The following DNAJC11 variants were observed in gnomAD, a reference collection of about 807,000 sequenced individuals.
The protein encoded by DNAJC11 is dnaJ homolog subfamily C member 11.
Under a neutral mutation model 78.6 loss-of-function variants are expected in DNAJC11, and 15 were observed. The observed-to-expected ratio is 0.19, with a 90% CI of 0.13 to 0.29. DNAJC11 has a LOEUF of 0.29. Among genes scored for constraint, DNAJC11 ranks in the 10% least tolerant of loss-of-function variants. The pLI is 1.00. For synonymous variants in DNAJC11, 292 were observed against 272.1 expected (o/e 1.07, Z -0.72); for missense variants, 547 against 709.6 (o/e 0.77, Z 2.60).
At chr1:6,672,552 C>G (rs920596205) in intron 3 of DNAJC11, among the ~76,000 whole-genome samples, 1 of 152,156 alleles carries the variant, frequency 6.6e-6, no homozygotes, top group African/African-American at 2.4e-5. Context: ...ACAAATTTTG[C>G]AAATAGTTGG....
At chr1:6,668,521 C>T (rs937568994) in intron 3 of DNAJC11, among the ~76,000 whole-genome samples, 4 of 152,108 alleles carry the variant, frequency 2.6e-5, no homozygotes, top group African/African-American at 9.7e-5. Flanking sequence ...GCTGGCTCTC[C>T]CTAGTGGTCT....
chr1:6,655,163 G>T (rs1405047838), intron 4 of DNAJC11, among the ~76,000 whole-genome samples: 2 of 152,152 alleles, frequency 1.3e-5, no homozygotes, highest in Non-Finnish European at 2.9e-5. Context: ...CTTGATTTCT[G>T]TTGAGGGTGA....
At position 6,672,556 on chromosome 1, in the gene DNAJC11, T is replaced by C. The variant is rs114932689; in HGVS notation, c.277-4746A>G. Among the ~76,000 whole-genome samples the C allele has an allele frequency of 4.2e-3, 635 of 152,306 alleles. 5 individuals are homozygous for C. The highest frequency in any genetic ancestry group is 0.014 in the African/African-American group (600 of 41,574). ...TCATATTTTACACAAATTTTGCAAATAGTTGGTACATAATCAGAGCTAACA... is the reference window on the plus strand; with the variant it reads ...TCATATTTTACACAAATTTTGCAAACAGTTGGTACATAATCAGAGCTAACA... On this transcript the variant is annotated intron_variant, in intron 3 of 15. Transcript: ENST00000377577.
rs544423050 is a variant in DNAJC11, at chr1:6,673,415, A to G, written c.276+4979T>C. Among the ~76,000 whole-genome samples the G allele has an allele frequency of 9.2e-5, 14 of 152,230 alleles. No homozygotes were observed. In the South Asian group the frequency reaches 2.7e-3, roughly 29 times the overall value. Reference sequence around the variant, plus strand: ...TCAAACCTCCTGGGAGACCTCAGGCAAGTCACCTTTCTAAGCTTCAGTTTC... The same window carrying G: ...TCAAACCTCCTGGGAGACCTCAGGCGAGTCACCTTTCTAAGCTTCAGTTTC... On this transcript the variant is annotated intron_variant, in intron 3 of 15. Transcript: ENST00000377577.
At chr1:6,677,055 T>A (rs1296372990) in intron 3 of DNAJC11, among the ~76,000 whole-genome samples, 1 of 148,146 alleles carries the variant, frequency 6.8e-6, no homozygotes, top group African/African-American at 2.5e-5. Context: ...TGCCTTGTAA[T>A]CCCAGCTACT....
chr1:6,666,918 CTTTT>C (rs1214780003), intron 4 of DNAJC11, among the ~76,000 whole-genome samples: 1 of 152,134 alleles, frequency 6.6e-6, no homozygotes, highest in Non-Finnish European at 1.5e-5. Context: ...ATTGAGCCCT[CTTTT>C]TAAACACAGC....
At chr1:6,669,665 G>A (rs888418145) in intron 3 of DNAJC11, among the ~76,000 whole-genome samples, 1 of 152,152 alleles carries the variant, frequency 6.6e-6, no homozygotes, top group Non-Finnish European at 1.5e-5. Context: ...AAAGGCCACC[G>A]TGAAAGAGGC....
chr1:6,680,411 TACATAAG>T lies in DNAJC11; in HGVS notation c.202+490_202+496del, dbSNP rs1039156780. On this transcript the variant is annotated intron_variant, in intron 2 of 15. Coordinates refer to ENST00000377577, the MANE Select transcript of DNAJC11 (RefSeq NM_018198.4). This position sits in a 1 kb window ranked among gnomAD's most constrained non-coding sequence, Gnocchi z 4.0. ...ATATCACAGAATGTTCTTTCTGACA[TACATAAG>T]ACATAAGTATAAAAATGTGAATCAC... Among the ~76,000 whole-genome samples, 7 of 152,254 alleles carry T rather than the reference TACATAAG, an allele frequency of 4.6e-5. No individual in the cohort carries two copies. The highest frequency in any genetic ancestry group is 7.2e-5 in the African/African-American group (3 of 41,470).
chr1:6,648,737 T>C (rs1473844705), intron 7 of DNAJC11, among the ~76,000 whole-genome samples: 1 of 152,204 alleles, frequency 6.6e-6, no homozygotes, highest in Non-Finnish European at 1.5e-5. Flanking sequence ...ATTACAAGCA[T>C]GAGCCACCAC....
At position 6,661,623 on chromosome 1, in the gene DNAJC11, C is replaced by T. The variant is rs78826041; in HGVS notation, c.378+6086G>A. On this transcript the variant is annotated intron_variant, in intron 4 of 15. Transcript: ENST00000377577. ...TTTCTCCTTACAAGACAACTTCTCA[C>T]GTTCTCCAATTGCAACAGCAGCCCA... 5.1e-3 allele frequency among the ~76,000 whole-genome samples: 776 copies of T among 152,266 alleles called. 8 individuals carry two copies. The highest frequency in any genetic ancestry group is 0.017 in the African/African-American group (721 of 41,544).
At chr1:6,667,234 C>T (rs979781756) in intron 4 of DNAJC11, among the ~76,000 whole-genome samples, 1 of 152,178 alleles carries the variant, frequency 6.6e-6, no homozygotes, top group Non-Finnish European at 1.5e-5. Flanking sequence ...GCCATGTGGA[C>T]ATGCCCTGAG....
chr1:6,637,574 A>AGGCAGG, intron 12 of DNAJC11, 70 bp from the exon 13 acceptor site: 1 of 1,559,518 alleles, frequency 6.4e-7, no homozygotes, highest in Non-Finnish European at 8.8e-7. Context: ...AGAGGGCCAC[A>AGGCAGG]GGCAGGCAGT....
chr1:6,638,441 G>A, intron 11 of DNAJC11, 77 bp from the exon 12 acceptor site: 2 of 1,426,396 alleles, frequency 1.4e-6, no homozygotes, highest in Non-Finnish European at 1.9e-6. Flanking sequence ...CTCCCGTGCT[G>A]GACCCGAGCC....
At chr1:6,692,256 G>A (rs565777246) in intron 1 of DNAJC11, among the ~76,000 whole-genome samples, 8 of 152,216 alleles carry the variant, frequency 5.3e-5, no homozygotes, top group East Asian at 1.9e-4. Flanking sequence ...GTAACCTCAC[G>A]TTTGCCAATC....
intron 3 of DNAJC11, among the ~76,000 whole-genome samples, chr1:6,674,727 C>G (rs1163976897): frequency 1.5e-5 from 2 of 136,374 alleles, no homozygotes; most frequent in Non-Finnish European, 3.2e-5. Flanking sequence ...GACTCTGTCT[C>G]AAAAAAAAAA....
At chr1:6,700,320 C>A (rs55810402) in intron 1 of DNAJC11, among the ~76,000 whole-genome samples, 1 of 152,000 alleles carries the variant, frequency 6.6e-6, no homozygotes. Context: ...ACTCTCTTTT[C>A]GGACTCAGCC....
intron 1 of DNAJC11, among the ~76,000 whole-genome samples, chr1:6,684,254 G>C (rs1642600221): frequency 6.6e-6 from 1 of 152,132 alleles, no homozygotes; most frequent in East Asian, 1.9e-4. Context: ...CTAATTGTTT[G>C]AATTTTTAAT....
chr1:6,652,842 T>C lies in DNAJC11; in HGVS notation c.617A>G (p.Lys206Arg). 6.2e-7 allele frequency: 1 copy of C among 1,614,166 alleles called. No individual in the cohort carries two copies. Among genetic ancestry groups the C allele is most frequent in the Non-Finnish European group, 8.5e-7 (1 of 1,180,022 alleles). ...NFALRRVTSA[K>R]GWGELEFGAG... ...AGACATTCTTACCTCTCCCCATCCC[T>C]TTGCCGAAGTTACTCGTCTGAGCGC... The change falls in exon 6 of 16, where the codon AAG (lysine) becomes AGG (arginine). Residue 206 changes from lysine (K) to arginine (R), a missense_variant. Physicochemically the swap from Lys to Arg is conservative, Grantham distance 26. Transcript: ENST00000377577.
rs970298342 is a variant in DNAJC11 at position 6,637,819 on chromosome 1, T to C, written c.1324-315A>G. On this transcript the variant is annotated intron_variant, in intron 12 of 15. Coordinates refer to ENST00000377577, the MANE Select transcript of DNAJC11 (RefSeq NM_018198.4). ...ATTTGTTGACCCAATAAAAAAACAA[T>C]GCGTTGTCAGCTTTAAAAATAAAGA... The C allele has an allele frequency of 8.2e-6, 4 of 490,234 alleles. No individual in the cohort carries two copies. In the East Asian group the frequency reaches 1.5e-4, roughly 18 times the overall value. 30.4% of individuals were successfully genotyped at this position (490,234 alleles called of 1,614,324 possible). A position where few individuals can be genotyped will look rare whatever the true frequency, so the allele number is the denominator to read the frequency against.
Sources: gnomAD v4.1 joint callset for allele counts (sites outside exome capture counted in the v4.1 genomes callset) on GRCh38, gnomAD v4.1.1 for gene constraint, Gnocchi (gnomAD v3.1) non-coding constraint, MANE v1.5 for transcripts, NCBI Gene and HGNC (gene_info 2026-07-23, HGNC 2026-07-21) for gene names.